The following CNTNAP5 variants were observed in gnomAD, a reference collection of about 807,000 sequenced individuals.
CNTNAP5 encodes contactin-associated protein-like 5.
In CNTNAP5, 72 loss-of-function variants were observed where a neutral mutation model predicts 150.2. That is an observed-to-expected ratio of 0.48 (90% CI 0.40 to 0.58). The LOEUF (loss-of-function observed/expected upper bound fraction) is 0.58. Ranked by LOEUF, CNTNAP5 falls within the 20% of genes least tolerant of loss-of-function variation. The pLI is 0.00. For synonymous variants in CNTNAP5, 672 were observed against 619.8 expected, an observed-to-expected ratio of 1.08 and a Z score of -1.25; for missense variants, 1,636 against 1,626.2, an observed-to-expected ratio of 1.01 and a Z score of -0.10.
chr2:124,262,854 G>A (rs1428613182), intron 3 of CNTNAP5, among the ~76,000 whole-genome samples: 1 of 133,904 alleles, frequency 7.5e-6, no homozygotes, highest in African/African-American at 2.9e-5. Flanking sequence ...CTGGGTCCAA[G>A]TGTTCTCATT....
intron 22 of CNTNAP5, among the ~76,000 whole-genome samples, chr2:124,904,078 A>AAAAC (rs1281367618): frequency 1.3e-5 from 2 of 149,682 alleles, no homozygotes; most frequent in Non-Finnish European, 3.0e-5. Context: ...AAAAAAAAAA[A>AAAAC]CCAAAATGTA....
intron 1 of CNTNAP5, among the ~76,000 whole-genome samples, chr2:124,081,321 A>C (rs757183668): frequency 2.3e-4 from 35 of 152,180 alleles, no homozygotes; most frequent in Non-Finnish European, 3.5e-4. Flanking sequence ...GTCTCACCTA[A>C]CAGCCCTTCA....
chr2:124,525,417 C>T (rs1694940969), intron 9 of CNTNAP5, among the ~76,000 whole-genome samples: 4 of 152,182 alleles, frequency 2.6e-5, no homozygotes, highest in Admixed American at 2.6e-4. Flanking sequence ...AAACTGGCTC[C>T]AGCTCCTATA....
At chr2:124,505,680 T>C (rs1694390042) in intron 8 of CNTNAP5, among the ~76,000 whole-genome samples, 1 of 152,088 alleles carries the variant, frequency 6.6e-6, no homozygotes, top group Non-Finnish European at 1.5e-5. Flanking sequence ...TTCTTCAACA[T>C]GAAACAGTGG....
At position 124,907,038 on chromosome 2, in the gene CNTNAP5, G is replaced by A. The variant is rs536424102; in HGVS notation, c.3655+3938G>A. Among the ~76,000 whole-genome samples the A allele has an allele frequency of 7.2e-5, 11 of 152,108 alleles. No homozygotes were observed. In the South Asian group the frequency reaches 2.1e-3, roughly 29 times the overall value. On this transcript the variant is annotated intron_variant, in intron 22 of 23. Coordinates refer to ENST00000682447, the MANE Select transcript of CNTNAP5 (RefSeq NM_001367498.1). ...AATTAGGGTGTGTCATTGGATGCCC[G>A]GCACTATATCATAATACAGTGTGAG...
chr2:124,863,472 C>T (rs920423921), intron 19 of CNTNAP5, among the ~76,000 whole-genome samples: 4 of 152,140 alleles, frequency 2.6e-5, no homozygotes, highest in South Asian at 2.1e-4. Context: ...CGGAAATCTG[C>T]GTGGTCAGAA....
At chr2:124,795,049 G>T (rs1034130235) in intron 18 of CNTNAP5, among the ~76,000 whole-genome samples, 12 of 152,018 alleles carry the variant, frequency 7.9e-5, no homozygotes, top group Non-Finnish European at 1.2e-4. Context: ...CATTACCCAG[G>T]ACTGGTCTTT....
At chr2:124,407,170 ATATACT>A (rs1691593371) in intron 3 of CNTNAP5, among the ~76,000 whole-genome samples, 1 of 152,086 alleles carries the variant, frequency 6.6e-6, no homozygotes, top group Non-Finnish European at 1.5e-5. Context: ...TATCCTTTTG[ATATACT>A]AATTTCCTTT....
chr2:124,097,057 G>A (rs1418362845), intron 1 of CNTNAP5, among the ~76,000 whole-genome samples: 1 of 152,050 alleles, frequency 6.6e-6, no homozygotes, highest in African/African-American at 2.4e-5. Flanking sequence ...CTACTCATCT[G>A]CCATCCAAAC....
At chr2:124,226,595 G>GT in intron 2 of CNTNAP5, among the ~76,000 whole-genome samples, 1 of 152,054 alleles carries the variant, frequency 6.6e-6, no homozygotes, top group Non-Finnish European at 1.5e-5. Flanking sequence ...TGTACAGAAG[G>GT]TTTTTAGTTT....
At chr2:124,575,974 G>A (rs1696273704) in intron 11 of CNTNAP5, among the ~76,000 whole-genome samples, 1 of 152,108 alleles carries the variant, frequency 6.6e-6, no homozygotes, top group African/African-American at 2.4e-5. Flanking sequence ...TTAATTTGAT[G>A]GAAGAATTGA....
In CNTNAP5 at chr2:124,105,392, C is replaced by T. The variant is rs141410341; in HGVS notation, c.82+79660C>T. 1.3e-3 allele frequency among the ~76,000 whole-genome samples: 199 copies of T among 152,168 alleles called. 2 individuals are homozygous for T. In the East Asian group the frequency reaches 0.024, roughly 18 times the overall value. Reference sequence around the variant, plus strand: ...ATTGCTGAATTAAAACATATGAAAACTTGTCATTTTTTGAGAGATAGTGCC... The same window carrying T: ...ATTGCTGAATTAAAACATATGAAAATTTGTCATTTTTTGAGAGATAGTGCC... On this transcript the variant is annotated intron_variant, in intron 1 of 23. Coordinates refer to ENST00000682447, the MANE Select transcript of CNTNAP5 (RefSeq NM_001367498.1).
intron 16 of CNTNAP5, among the ~76,000 whole-genome samples, chr2:124,767,488 G>A (rs567304722): frequency 6.6e-6 from 1 of 152,320 alleles, no homozygotes; most frequent in African/African-American, 2.4e-5. Flanking sequence ...GATGAGATCA[G>A]AAGGAAATGG....
intron 3 of CNTNAP5, among the ~76,000 whole-genome samples, chr2:124,263,110 ACG>A: frequency 6.6e-6 from 1 of 152,200 alleles, no homozygotes. Context: ...CAATAAACAT[ACG>A]TGTGTGTGTG....
At chr2:124,885,051 T>C (rs1678050695) in intron 21 of CNTNAP5, among the ~76,000 whole-genome samples, 1 of 151,926 alleles carries the variant, frequency 6.6e-6, no homozygotes, top group Admixed American at 6.6e-5. Flanking sequence ...AGATAATATA[T>C]TGAGATTTAT....
intron 19 of CNTNAP5, among the ~76,000 whole-genome samples, chr2:124,805,707 C>T (rs1005672439): frequency 6.6e-6 from 1 of 152,204 alleles, no homozygotes. Flanking sequence ...ATGACATAAA[C>T]AACAACAATT....
rs529841095 is a variant in CNTNAP5, at chr2:124,654,914, T to G, written c.2077+6956T>G. 7.3e-4 allele frequency among the ~76,000 whole-genome samples: 111 copies of G among 152,072 alleles called. 1 individual carries two copies. The highest frequency in any genetic ancestry group is 4.9e-3 in the Admixed American group (75 of 15,276). On this transcript the variant is annotated intron_variant, in intron 13 of 23. Transcript: ENST00000682447. ...GGAAGACAAAATATCAGGGTAGTAT[T>G]TGACTTTTTTTTTTTACTTATTTCT...
chr2:124,814,079 C>A (rs1256751019), intron 19 of CNTNAP5, among the ~76,000 whole-genome samples: 11 of 151,952 alleles, frequency 7.2e-5, no homozygotes. Flanking sequence ...AAACTCTCCT[C>A]AATCCCAGGC....
intron 3 of CNTNAP5, among the ~76,000 whole-genome samples, chr2:124,383,810 T>C (rs543653497): frequency 6.6e-6 from 1 of 152,312 alleles, no homozygotes; most frequent in South Asian, 2.1e-4. Flanking sequence ...CACATGAATA[T>C]ACTTTTTACT....
Sources: gnomAD v4.1 joint callset for allele counts (sites outside exome capture counted in the v4.1 genomes callset) on GRCh38, gnomAD v4.1.1 for gene constraint, MANE v1.5 for transcripts, NCBI Gene and HGNC (gene_info 2026-07-23, HGNC 2026-07-21) for gene names.